The following TEX11 variants were observed in gnomAD, a reference collection of about 807,000 sequenced individuals.
TEX11 encodes testis-expressed protein 11.
A neutral mutation model predicts 84.4 loss-of-function variants in TEX11; 7 were observed. That is an observed-to-expected ratio of 0.08 (90% CI 0.05 to 0.16). The LOEUF is 0.16. Ranked by LOEUF, TEX11 falls within the 10% of genes least tolerant of loss-of-function variation. The pLI is 1.00. For missense variants in TEX11, 551 were observed against 660.5 expected, an observed-to-expected ratio of 0.83 and a Z score of 1.82; for synonymous variants, 264 against 222.8, an observed-to-expected ratio of 1.18 and a Z score of -1.64.
intron 9 of TEX11, among the ~76,000 whole-genome samples, chrX:70,751,018 T>C (rs1402578208): frequency 1.0e-4 from 10 of 95,293 alleles, no homozygotes; most frequent in Non-Finnish European, 1.7e-4. Context: ...TAGGAACACT[T>C]TTATACTGTT....
At position 70,624,835 on chromosome X, in the gene TEX11, T is replaced by A; in HGVS notation, c.1694+4A>T. On this transcript the variant is annotated splice_donor_region_variant and intron_variant, in intron 19 of 29. Transcript: ENST00000374333. ...TTCTCTTCCACAGGATGTAGGTTAC[T>A]TACTTTACAGCTGTAAGAACTTGTT... The A allele has an allele frequency of 8.4e-7, 1 of 1,195,461 alleles. No homozygotes were observed. The highest frequency in any genetic ancestry group is 1.1e-6 in the Non-Finnish European group (1 of 883,214).
intron 17 of TEX11, among the ~76,000 whole-genome samples, chrX:70,646,994 G>A (rs2147600929): frequency 9.0e-6 from 1 of 111,545 alleles, no homozygotes; most frequent in Non-Finnish European, 1.9e-5. Context: ...GTTTATCGGT[G>A]GATAAGTGGA....
intron 13 of TEX11, among the ~76,000 whole-genome samples, chrX:70,702,428 T>C (rs2090333631): frequency 8.9e-6 from 1 of 112,212 alleles, no homozygotes; most frequent in African/African-American, 3.2e-5. Context: ...ATTATGCTAT[T>C]GCATACTTAA....
intron 11 of TEX11, among the ~76,000 whole-genome samples, chrX:70,728,327 G>T (rs1569421302): frequency 8.9e-6 from 1 of 112,618 alleles, no homozygotes; most frequent in African/African-American, 3.2e-5. Context: ...CAGGACAGTG[G>T]GTGCAGTGCA....
In TEX11 at chrX:70,651,570, G is replaced by A. The variant is rs763233346; in HGVS notation, c.1381-18C>T. On this transcript the variant is annotated intron_variant, in intron 16 of 29. Coordinates refer to ENST00000374333, the MANE Select transcript of TEX11 (RefSeq NM_031276.3). ...TCTTTGGCCTGGAAAGAAAAACACT[G>A]GGTCATTTTAATAAAATCTACAAGG... 6.2e-6 allele frequency: 7 copies of A among 1,132,391 alleles called. No homozygotes were observed. Among genetic ancestry groups the A allele is most frequent in the Non-Finnish European group, 7.2e-6 (6 of 831,179 alleles). 93.3% of individuals were successfully genotyped at this position (1,132,391 alleles called of 1,213,427 possible).
At chrX:70,692,430 CT>C (rs1239951004) in intron 13 of TEX11, among the ~76,000 whole-genome samples, 3 of 110,663 alleles carry the variant, frequency 2.7e-5, no homozygotes, top group African/African-American at 6.6e-5. Flanking sequence ...ACAATACCCC[CT>C]CTCCCCCACC....
At position 70,716,869 on chromosome X, in the gene TEX11, G is replaced by T. The variant is rs188637905; in HGVS notation, c.1004+5749C>A. Reference sequence around the variant, plus strand: ...GCAGAAATCATTCGTCTTCTGCGTCGCTCACGCTGGGAGCTGTAGACTGGA... The same window carrying T: ...GCAGAAATCATTCGTCTTCTGCGTCTCTCACGCTGGGAGCTGTAGACTGGA... On this transcript the variant is annotated intron_variant, in intron 13 of 29. Coordinates refer to ENST00000374333, the MANE Select transcript of TEX11 (RefSeq NM_031276.3). 5.1e-3 allele frequency among the ~76,000 whole-genome samples: 574 copies of T among 112,284 alleles called. 4 individuals carry two copies. The highest frequency in any genetic ancestry group is 0.018 in the African/African-American group (546 of 30,925).
intron 9 of TEX11, among the ~76,000 whole-genome samples, chrX:70,802,467 C>A: frequency 9.0e-6 from 1 of 111,058 alleles, no homozygotes; most frequent in African/African-American, 3.3e-5. Context: ...ATATATATAT[C>A]AAAACATCAC....
At chrX:70,586,776 A>G (rs1035764410) in intron 25 of TEX11, among the ~76,000 whole-genome samples, 1 of 112,221 alleles carries the variant, frequency 8.9e-6, no homozygotes, top group South Asian at 3.7e-4. Context: ...AGAGTGAGGT[A>G]CTGCTATAAA....
chrX:70,758,156 C>T (rs1008977983), intron 9 of TEX11, among the ~76,000 whole-genome samples: 3 of 111,672 alleles, frequency 2.7e-5, no homozygotes, highest in African/African-American at 9.8e-5. Context: ...GAGACTTAGA[C>T]TCCCACACAA....
At chrX:70,674,957 CTT>C (rs961693657) in intron 15 of TEX11, among the ~76,000 whole-genome samples, 3 of 110,296 alleles carry the variant, frequency 2.7e-5, no homozygotes, top group Middle Eastern at 4.7e-3. Flanking sequence ...AAAAAAAACT[CTT>C]TGTTTTGCTA....
At chrX:70,800,751 G>A (rs1238725931) in intron 9 of TEX11, among the ~76,000 whole-genome samples, 1 of 101,632 alleles carries the variant, frequency 9.8e-6, no homozygotes, top group African/African-American at 3.6e-5. Context: ...GTACTGCAGT[G>A]GTGTGATGAT....
chrX:70,624,863 T>C lies in TEX11; in HGVS notation c.1670A>G (p.Gln557Arg). 1 of 1,209,288 alleles carries C rather than the reference T, an allele frequency of 8.3e-7. No homozygotes were observed. Among genetic ancestry groups the C allele is most frequent in the African/African-American group, 1.7e-5 (1 of 57,883 alleles). ...CTTTACAGCTGTAAGAACTTGTTCC[T>C]GGTCTTCTGAATGTTGAGCTAAATA... is the stretch of plus-strand genomic sequence containing the variant. The part of the protein sequence containing the change: ...LEYLAQHSED[Q>R]EQVLTAVKCL... The change falls in exon 19 of 30, where the codon CAG becomes CGG. Residue 557 changes from glutamine to arginine, a missense_variant. Physicochemically the swap from Gln to Arg is conservative, Grantham distance 43. Transcript: ENST00000374333.
chrX:70,758,162 C>T (rs1344527280), intron 9 of TEX11, among the ~76,000 whole-genome samples: 1 of 111,625 alleles, frequency 9.0e-6, no homozygotes, highest in African/African-American at 3.3e-5. Flanking sequence ...TAGACTCCCA[C>T]ACAATAATAA....
In TEX11 at chrX:70,629,845, A is replaced by T. The variant is rs184270049; in HGVS notation, c.1484-110T>A. 9.0e-5 allele frequency: 57 copies of T among 632,383 alleles called. No individual in the cohort carries two copies. In the African/African-American group the frequency reaches 1.2e-3, roughly 13 times the overall value. 52.1% of individuals were successfully genotyped at this position (632,383 alleles called of 1,213,427 possible). On this transcript the variant is annotated intron_variant, in intron 17 of 29. Coordinates refer to ENST00000374333, the MANE Select transcript of TEX11 (RefSeq NM_031276.3). ...TGGAACTTATTTTAAGAACATTTTTAAAATGTTAGTATTCATAAAGTAATG... is the reference window on the plus strand; with the variant it reads ...TGGAACTTATTTTAAGAACATTTTTTAAATGTTAGTATTCATAAAGTAATG...
chrX:70,812,209 A>G (rs867977450), intron 8 of TEX11, among the ~76,000 whole-genome samples: 1 of 101,084 alleles, frequency 9.9e-6, no homozygotes, highest in African/African-American at 3.6e-5. Context: ...TCTTGAATTA[A>G]TTTTTTTTTT....
At chrX:70,647,691 T>C (rs1451086607) in intron 17 of TEX11, among the ~76,000 whole-genome samples, 2 of 108,528 alleles carry the variant, frequency 1.8e-5, no homozygotes, top group Non-Finnish European at 3.8e-5. Context: ...AAAAAAAGGA[T>C]GTGAGGTAAT....
At chrX:70,730,268 C>G (rs1022780908) in intron 11 of TEX11, among the ~76,000 whole-genome samples, 1 of 111,816 alleles carries the variant, frequency 8.9e-6, no homozygotes, top group Non-Finnish European at 1.9e-5. Context: ...AACCAGCTAA[C>G]ATCACAATGA....
chrX:70,748,408 T>C (rs973338358), intron 9 of TEX11, among the ~76,000 whole-genome samples: 8 of 111,664 alleles, frequency 7.2e-5, no homozygotes, highest in African/African-American at 2.3e-4. Context: ...TCAGAGTTCA[T>C]GGAGTAAAGA....
Sources: allele counts gnomAD v4.1 joint callset (sites outside exome capture counted in the v4.1 genomes callset), GRCh38; gene constraint gnomAD v4.1.1; transcripts MANE v1.5; gene names NCBI Gene and HGNC (gene_info 2026-07-23, HGNC 2026-07-21).